Variants in CD2 observed in about 807,000 individuals in gnomAD.
CD2 encodes the protein T-cell surface antigen CD2.
CD2 carries 18 observed loss-of-function variants against 23.2 expected under a neutral mutation model. The ratio of observed to expected loss-of-function variants is 0.77; its 90% CI spans 0.54 to 1.15. The LOEUF is 1.15. Ranked by LOEUF, CD2 falls within the 50% of genes most tolerant of loss-of-function variation. The pLI, the probability that CD2 is intolerant of heterozygous loss-of-function variation, is 0.00. For synonymous variants in CD2, 162 were observed against 151.9 expected (o/e 1.07, Z -0.49); for missense variants, 424 against 423.1 (o/e 1.00, Z -0.02).
chr1:116,768,923 C>A lies in CD2; in HGVS notation c.*140C>A. The A allele has an allele frequency of 2.5e-6, 2 of 789,600 alleles. No homozygotes were observed. The highest frequency in any genetic ancestry group is 4.0e-6 in the Non-Finnish European group (2 of 499,894). 48.9% of individuals were successfully genotyped at this position (789,600 alleles called of 1,614,324 possible). A position where few individuals can be genotyped will look rare whatever the true frequency, so the allele number is the denominator to read the frequency against. On this transcript the variant is annotated 3_prime_UTR_variant, in exon 5 of 5. Transcript: ENST00000369478. ...AGGCTGTGGGCCACAGCCACCTCTGCATCTTCGAACTCAGCCATGTGGTCA... is the reference window on the plus strand; with the variant it reads ...AGGCTGTGGGCCACAGCCACCTCTGAATCTTCGAACTCAGCCATGTGGTCA...
intron 2 of CD2, among the ~76,000 whole-genome samples, chr1:116,758,243 C>T (rs571214497): frequency 6.6e-6 from 1 of 152,072 alleles, no homozygotes; most frequent in Non-Finnish European, 1.5e-5. Flanking sequence ...TGAAAGCCCA[C>T]GGATGCTGGG....
intron 2 of CD2, among the ~76,000 whole-genome samples, chr1:116,755,752 G>A (rs976378135): frequency 6.6e-6 from 1 of 152,124 alleles, no homozygotes; most frequent in Non-Finnish European, 1.5e-5. Context: ...CTCTAAAATA[G>A]GAAGAATGAG....
chr1:116,754,440 C>G lies in CD2; in HGVS notation c.-53C>G. The G allele has an allele frequency of 6.6e-7, 1 of 1,505,414 alleles. No individual in the cohort carries two copies. The highest frequency in any genetic ancestry group is 9.2e-7 in the Non-Finnish European group (1 of 1,087,666). 93.3% of individuals were successfully genotyped at this position (1,505,414 alleles called of 1,614,324 possible). ...GGTGTGGACTCCACCAGTCTCACTT[C>G]AGTTCCTTTTGCATGAAGAGCTCAG... is the stretch of plus-strand genomic sequence containing the variant. On this transcript the variant is annotated 5_prime_UTR_variant, in exon 1 of 5. Transcript: ENST00000369478.
intron 2 of CD2, among the ~76,000 whole-genome samples, chr1:116,756,229 T>C (rs150453918): frequency 3.9e-5 from 6 of 152,284 alleles, no homozygotes; most frequent in African/African-American, 1.2e-4. Flanking sequence ...CCTCTGATTA[T>C]GGGCTCTGGA....
chr1:116,763,561 G>T (rs541407085), intron 3 of CD2, among the ~76,000 whole-genome samples: 2 of 152,274 alleles, frequency 1.3e-5, no homozygotes, highest in Non-Finnish European at 2.9e-5. Context: ...ACTAGTAAGA[G>T]CAAGACCTCA....
chr1:116,756,795 G>T (rs1039718840), intron 2 of CD2, among the ~76,000 whole-genome samples: 2 of 152,044 alleles, frequency 1.3e-5, no homozygotes, highest in Non-Finnish European at 2.9e-5. Context: ...CTTGTAGTTG[G>T]TCACTATTAC....
In CD2 at chr1:116,755,030, C is replaced by T; in HGVS notation, c.382+79C>T. ...GTTGGAAAATAGCATTTCTAATATT[C>T]CCCAGCGCTGACCTCTGCCTCCAGG... On this transcript the variant is annotated intron_variant, in intron 2 of 4. Transcript: ENST00000369478. The T allele has an allele frequency of 3.1e-6, 3 of 980,484 alleles. No homozygotes were observed. In the South Asian group the frequency reaches 4.9e-5, roughly 16 times the overall value. 60.7% of individuals were successfully genotyped at this position (980,484 alleles called of 1,614,324 possible).
At chr1:116,756,696 C>T (rs1351112570) in intron 2 of CD2, among the ~76,000 whole-genome samples, 1 of 152,022 alleles carries the variant, frequency 6.6e-6, no homozygotes, top group East Asian at 1.9e-4. Context: ...TTTTCATTGC[C>T]CCAAAAAGAA....
rs1652289592 is a variant in CD2, at chr1:116,768,572, C to T, written c.845C>T (p.Pro282Leu). The T allele has an allele frequency of 6.2e-7, 1 of 1,614,130 alleles. No homozygotes were observed. Among genetic ancestry groups the T allele is most frequent in the African/African-American group, 1.3e-5 (1 of 75,010 alleles). The change falls in exon 5 of 5, where the codon CCT (proline) becomes CTT (leucine). Residue 282 changes from proline (P) to leucine (L), a missense_variant. Pro to Leu is a moderately conservative substitution (Grantham distance 98, BLOSUM62 -3). Coordinates refer to ENST00000369478, the MANE Select transcript of CD2 (RefSeq NM_001767.5). ...CAGAATCCAGCAACTTCCCAACATC[C>T]TCCTCCACCACCTGGTCATCGTTCC... Reference protein sequence around the residue: ...TPQNPATSQHPPPPPGHRSQA... With the variant: ...TPQNPATSQHLPPPPGHRSQA...
chr1:116,768,703 C>T lies in CD2; in HGVS notation c.976C>T (p.Pro326Ser). 6.2e-7 allele frequency: 1 copy of T among 1,614,122 alleles called. No homozygotes were observed. The highest frequency in any genetic ancestry group is 2.2e-5 in the East Asian group (1 of 44,858). Residue 326 changes from proline (P) to serine (S), a missense_variant, in exon 5 of 5, where the codon CCG (proline) becomes TCG (serine). Coordinates refer to ENST00000369478, the MANE Select transcript of CD2 (RefSeq NM_001767.5). Reference sequence around the variant, plus strand: ...CACACAAGTTCACCAGCAGAAAGGCCCGCCCCTCCCCAGACCTCGAGTTCA... The same window carrying T: ...CACACAAGTTCACCAGCAGAAAGGCTCGCCCCTCCCCAGACCTCGAGTTCA... ...SGTQVHQQKG[P>S]PLPRPRVQPK...
intron 1 of CD2, 30 bp downstream of exon 1, chr1:116,754,583 C>G: frequency 6.2e-7 from 1 of 1,610,458 alleles, no homozygotes; most frequent in Non-Finnish European, 8.5e-7. Flanking sequence ...AAGTCCCAAC[C>G]CAGCTTTCCC....
intron 4 of CD2, among the ~76,000 whole-genome samples, chr1:116,766,457 G>C (rs1652216748): frequency 6.6e-6 from 1 of 152,196 alleles, no homozygotes; most frequent in Non-Finnish European, 1.5e-5. Flanking sequence ...GTTCTTGTTT[G>C]CCTCTTACTT....
intron 2 of CD2, among the ~76,000 whole-genome samples, chr1:116,756,921 T>G (rs1260803154): frequency 6.6e-6 from 1 of 151,796 alleles, no homozygotes; most frequent in African/African-American, 2.4e-5. Flanking sequence ...TGTCCTGCAG[T>G]GCCTGGGGCA....
At chr1:116,765,799 C>T (rs980435988) in intron 4 of CD2, among the ~76,000 whole-genome samples, 1 of 152,348 alleles carries the variant, frequency 6.6e-6, no homozygotes, top group Non-Finnish European at 1.5e-5. Flanking sequence ...TCACTTGTCA[C>T]CCCAAGACAA....
intron 4 of CD2, among the ~76,000 whole-genome samples, chr1:116,766,492 T>C (rs1652217618): frequency 2.0e-5 from 3 of 152,336 alleles, no homozygotes; most frequent in Middle Eastern, 6.8e-3. Context: ...TGAGGACAAT[T>C]TGTGTCTAAG....
Position 116,766,938 on chromosome 1 carries a change from C to A in CD2, c.737-1526C>A, listed in dbSNP as rs192194953. On this transcript the variant is annotated intron_variant, in intron 4 of 4. Transcript: ENST00000369478. ...ACCAATGGCCAGTGCAAGCTTGCCA[C>A]ATAGGAGATGAAGAAGGACCACCCA... Among the ~76,000 whole-genome samples, 152 of 152,230 alleles carry A rather than the reference C, an allele frequency of 1.0e-3. 4 individuals are homozygous for A. The highest frequency in any genetic ancestry group is 9.9e-3 in the Admixed American group (151 of 15,280).
intron 4 of CD2, among the ~76,000 whole-genome samples, chr1:116,766,165 C>A (rs991958858): frequency 1.3e-5 from 2 of 152,196 alleles, no homozygotes; most frequent in Non-Finnish European, 2.9e-5. Flanking sequence ...GTTGAGTAAC[C>A]AGGAGATGCA....
At chr1:116,757,872 CA>C (rs1336195472) in intron 2 of CD2, among the ~76,000 whole-genome samples, 1 of 151,838 alleles carries the variant, frequency 6.6e-6, no homozygotes, top group African/African-American at 2.4e-5. Context: ...TGGGTTCAAG[CA>C]ATTCTCATGC....
Position 116,768,506 on chromosome 1 carries a change from A to G in CD2, c.779A>G (p.Glu260Gly), listed in dbSNP as rs1652286085. 2 of 1,614,054 alleles carry G rather than the reference A, an allele frequency of 1.2e-6. No homozygotes were observed. Among genetic ancestry groups the G allele is most frequent in the South Asian group, 2.2e-5 (2 of 91,072 alleles). The stretch of plus-strand genomic sequence containing the variant: ...AGAGCCCACAGAGTAGCTACTGAAG[A>G]AAGGGGCCGGAAGCCCCACCAAATT... ...ETRAHRVATE[E>G]RGRKPHQIPA... is the part of the protein sequence containing the mutation. Residue 260 changes from glutamate (E) to glycine (G), a missense_variant, in exon 5 of 5, where the codon GAA becomes GGA. Coordinates refer to ENST00000369478, the MANE Select transcript of CD2 (RefSeq NM_001767.5).
Sources: allele counts gnomAD v4.1 joint callset (sites outside exome capture counted in the v4.1 genomes callset), GRCh38; gene constraint gnomAD v4.1.1; transcripts MANE v1.5; gene names NCBI Gene and HGNC (gene_info 2026-07-23, HGNC 2026-07-21).